XPC: variants seen among roughly 807,000 people sequenced by gnomAD.
XPC encodes the protein XPC complex subunit, DNA damage recognition and repair factor, also known as DNA repair protein complementing XP-C cells.
Under a neutral mutation model 95.8 loss-of-function variants are expected in XPC, and 76 were observed. The observed-to-expected ratio is 0.79, with a 90% CI of 0.66 to 0.96. The LOEUF (loss-of-function observed/expected upper bound fraction) is 0.96, where lower values mean the gene tolerates loss of function less well. XPC is among the 40% of genes least tolerant of loss of function. The pLI is 0.00. For missense variants in XPC, 1,146 were observed against 1,179.8 expected (o/e 0.97, Z 0.42); for synonymous variants, 442 against 442.1 (o/e 1.00, Z 0.00).
At chr3:14,161,180 C>G (rs926785315) in intron 7 of XPC, among the ~76,000 whole-genome samples, 3 of 152,132 alleles carry the variant, frequency 2.0e-5, no homozygotes, top group South Asian at 2.1e-4. Flanking sequence ...AATAACAGAT[C>G]GAGTCAGAAC....
Position 14,170,599 on chromosome 3 carries a change from G to C in XPC, c.300-49C>G, listed in dbSNP as rs375535102. 3.5e-6 allele frequency: 5 copies of C among 1,430,526 alleles called. No individual in the cohort carries two copies. The East Asian group carries it at 9.3e-5, about 27-fold the overall frequency. The allele number at this position is 1,430,526 out of a possible 1,614,324, so 88.6% of individuals were successfully genotyped here. ...AGATGAAGAAGACTCAGACATCCTA[G>C]TGTTCCATTCAAGCTAAATGGAATT... On this transcript the variant is annotated intron_variant, in intron 2 of 15. Coordinates refer to ENST00000285021, the MANE Select transcript of XPC (RefSeq NM_004628.5).
chr3:14,158,901 GA>G lies in XPC; in HGVS notation c.991-10del. ...TTGGAAGGTTTCTTTCCCTTAAACA[GA>G]ATAAGAAATTTTGCTTTTTTTTCTC... On this transcript the variant is annotated splice_polypyrimidine_tract_variant and intron_variant, in intron 8 of 15. Coordinates refer to ENST00000285021, the MANE Select transcript of XPC (RefSeq NM_004628.5). The surrounding 1 kb of genome is among the most constrained non-coding windows in gnomAD (Gnocchi z 5.2). 6.2e-7 allele frequency: 1 copy of G among 1,613,658 alleles called. No individual in the cohort carries two copies. Among genetic ancestry groups the G allele is most frequent in the Non-Finnish European group, 8.5e-7 (1 of 1,179,866 alleles).
intron 6 of XPC, 126 bp downstream of exon 6, chr3:14,165,302 C>T (rs1435457291): frequency 1.6e-6 from 2 of 1,285,942 alleles, no homozygotes; most frequent in Non-Finnish European, 2.1e-6. Flanking sequence ...TCTTCAATGC[C>T]ATGCCCACCA....
chr3:14,159,785 C>A lies in XPC; in HGVS notation c.946G>T (p.Val316Leu), dbSNP rs1192004983. Residue 316 changes from valine (V) to leucine (L), a missense_variant, in exon 8 of 16, where the codon GTA (valine) becomes TTA (leucine). Val to Leu is a conservative substitution (Grantham distance 32). Coordinates refer to ENST00000285021, the MANE Select transcript of XPC (RefSeq NM_004628.5). ...LRALQLLTRLVLSLQPIPLKS... is the reference protein window; with the variant it reads ...LRALQLLTRLLLSLQPIPLKS... ...AGAGGAATTGGCTGTAGAGACAATA[C>A]CAGCCGGGTCAAGAGCTGCAGAGCC... 1.3e-6 allele frequency: 2 copies of A among 1,562,404 alleles called. No individual in the cohort carries two copies. The highest frequency in any genetic ancestry group is 1.4e-5 in the African/African-American group (1 of 73,448).
chr3:14,147,198 G>A (rs1389000230), intron 15 of XPC, 92 bp downstream of exon 15: 4 of 1,329,078 alleles, frequency 3.0e-6, no homozygotes, highest in Non-Finnish European at 4.2e-6. Context: ...CCTGACTTGA[G>A]GCTGGGGCAG....
chr3:14,148,511 C>G, intron 13 of XPC, 51 bp downstream of exon 13: 1 of 1,596,234 alleles, frequency 6.3e-7, no homozygotes, highest in South Asian at 1.1e-5. Flanking sequence ...ATCTCTGGAG[C>G]CACCCCTCCC....
chr3:14,151,220 G>T (rs1695675666), intron 11 of XPC: 2 of 152,196 alleles, frequency 1.3e-5, no homozygotes, highest in African/African-American at 4.8e-5. Flanking sequence ...CAAATACACA[G>T]AAGATTAGAG....
chr3:14,169,351 AG>A (rs904443404), intron 3 of XPC, among the ~76,000 whole-genome samples: 2 of 152,254 alleles, frequency 1.3e-5, no homozygotes, highest in African/African-American at 4.8e-5. Context: ...CAAGAAATAC[AG>A]GGGATATTGA....
chr3:14,161,539 C>T lies in XPC; in HGVS notation c.901-1709G>A, dbSNP rs1174043994. On this transcript the variant is annotated intron_variant, in intron 7 of 15. Transcript: ENST00000285021. Reference sequence around the variant, plus strand: ...TAAGAAAATCAATCAATTAAATATACATTAATAGAATGAAGGAAAGAAAAT... The same window carrying T: ...TAAGAAAATCAATCAATTAAATATATATTAATAGAATGAAGGAAAGAAAAT... 2.1e-5 allele frequency among the ~76,000 whole-genome samples: 3 copies of T among 145,464 alleles called. No individual in the cohort carries two copies. The East Asian group carries it at 5.9e-4, about 29-fold the overall frequency.
intron 7 of XPC, among the ~76,000 whole-genome samples, chr3:14,161,303 T>C (rs1696157274): frequency 1.3e-5 from 2 of 152,166 alleles, no homozygotes; most frequent in Non-Finnish European, 2.9e-5. Context: ...TTTCAAACGT[T>C]AGAAGAGGAA....
intron 10 of XPC, chr3:14,153,447 T>C (rs1293024858): frequency 6.6e-6 from 1 of 152,304 alleles, no homozygotes; most frequent in African/African-American, 2.4e-5. Context: ...ACATGAGATA[T>C]TCAATACTTC....
chr3:14,169,601 A>G (rs2733537), intron 3 of XPC, among the ~76,000 whole-genome samples: 44,405 of 152,160 alleles, frequency 0.29, 7,155 homozygotes, highest in East Asian at 0.38. Context: ...GGATGCTTTC[A>G]TAACAATTGG....
chr3:14,147,480 AC>A, intron 14 of XPC, 101 bp from the exon 15 acceptor site: 3 of 1,115,484 alleles, frequency 2.7e-6, no homozygotes, highest in Non-Finnish European at 3.9e-6. Context: ...TATATACACC[AC>A]TTTAGAATAT....
In XPC at chr3:14,146,064, CA is replaced by C; in HGVS notation, c.2699del (p.Leu900ArgfsTer17). The C allele has an allele frequency of 6.2e-7, 1 of 1,612,892 alleles. No individual in the cohort carries two copies. Among genetic ancestry groups the C allele is most frequent in the Non-Finnish European group, 8.5e-7 (1 of 1,179,530 alleles). The stretch of plus-strand genomic sequence containing the variant: ...CTCGGTTTTGAGGCCAGGAGGCAGC[CA>C]GTATCCTGGCCGCTTCTGCTTGAGA... Reference protein sequence around the residue: ...TSSQAEAARILAASWPQNRED... With the variant: ...TSSQAEAARIXAASWPQNRED... On this transcript the variant is annotated frameshift_variant, in exon 16 of 16. Transcript: ENST00000285021. LOFTEE classifies it low-confidence loss of function (END_TRUNC).
At chr3:14,160,611 A>G (rs949726931) in intron 7 of XPC, among the ~76,000 whole-genome samples, 1 of 152,248 alleles carries the variant, frequency 6.6e-6, no homozygotes, top group Admixed American at 6.5e-5. Context: ...AGGTCATGAA[A>G]GACAGGGAAA....
intron 10 of XPC, 99 bp from the exon 11 acceptor site, chr3:14,152,515 G>A: frequency 8.3e-7 from 1 of 1,206,280 alleles, no homozygotes; most frequent in East Asian, 2.8e-5. Context: ...TCCCTCCTCA[G>A]GTTCAGCCAC....
At chr3:14,175,882 TG>T (rs1696795332) in intron 1 of XPC, among the ~76,000 whole-genome samples, 2 of 152,300 alleles carry the variant, frequency 1.3e-5, no homozygotes, top group South Asian at 4.1e-4. Context: ...CAACAAAGGT[TG>T]TAACTCTGCA....
intron 2 of XPC, 185 bp from the exon 3 acceptor site, chr3:14,170,735 T>G: frequency 2.2e-6 from 1 of 462,862 alleles, no homozygotes; most frequent in South Asian, 4.1e-5. Context: ...CATCAAGATG[T>G]GCTCTGATCA....
In XPC at chr3:14,178,529, G is replaced by C; in HGVS notation, c.40C>G (p.Arg14Gly). The C allele has an allele frequency of 1.2e-6, 2 of 1,612,932 alleles. No homozygotes were observed. Among genetic ancestry groups the C allele is most frequent in the Non-Finnish European group, 1.7e-6 (2 of 1,179,606 alleles). The change falls in exon 1 of 16, where the codon CGC (arginine) becomes GGC (glycine). Residue 14 changes from arginine (R) to glycine (G), a missense_variant. Physicochemically the swap from Arg to Gly is moderately radical, Grantham distance 125. Transcript: ENST00000285021. ...TTGGATTTCTGGCTGCGCAGTTCGC[G>C]TCCCCGCGGCTCCCCGCCGGCCGCG... ...KRAAGGEPRG[R>G]ELRSQKSKAK... is the part of the protein sequence containing the mutation.
Sources: allele counts gnomAD v4.1 joint callset (sites outside exome capture counted in the v4.1 genomes callset), GRCh38; gene constraint gnomAD v4.1.1; non-coding constraint Gnocchi (gnomAD v3.1); transcripts MANE v1.5; gene names NCBI Gene and HGNC (gene_info 2026-07-23, HGNC 2026-07-21).